NFIA: variants seen among roughly 807,000 people sequenced by gnomAD.
NFIA encodes the protein nuclear factor I A.
Under a neutral mutation model 62.8 loss-of-function variants are expected in NFIA, and 8 were observed. That is an observed-to-expected ratio of 0.13 (90% CI 0.07 to 0.23). The LOEUF (loss-of-function observed/expected upper bound fraction) is 0.23. NFIA is among the 10% of genes least tolerant of loss of function. The pLI, the probability that NFIA is intolerant of heterozygous loss-of-function variation, is 1.00. For missense variants in NFIA, 410 were observed against 642.1 expected, an observed-to-expected ratio of 0.64 and a Z score of 3.91; for synonymous variants, 235 against 238.1, an observed-to-expected ratio of 0.99 and a Z score of 0.12.
At chr1:61,433,540 G>GTATATATACTCACACA (rs1553121154) in intron 10 of NFIA, among the ~76,000 whole-genome samples, 2 of 151,006 alleles carry the variant, frequency 1.3e-5, no homozygotes, top group African/African-American at 4.9e-5. Context: ...ATATGTGTGT[G>GTATATATACTCACACA]TATATATACT....
intron 2 of NFIA, among the ~76,000 whole-genome samples, chr1:61,179,980 G>A (rs12086218): frequency 0.15 from 23,160 of 152,034 alleles, 2,777 homozygotes; most frequent in African/African-American, 0.31. Context: ...GGCTGATATC[G>A]AGTCAATCAG....
At chr1:61,257,877 C>A (rs200837959) in intron 2 of NFIA, among the ~76,000 whole-genome samples, 1 of 90,160 alleles carries the variant, frequency 1.1e-5, no homozygotes, top group Admixed American at 1.1e-4. Context: ...TTTTTTTTTT[C>A]TTTTTTTCTT....
intron 4 of NFIA, among the ~76,000 whole-genome samples, chr1:61,333,015 G>A (rs1486744564): frequency 6.7e-6 from 1 of 150,290 alleles, no homozygotes; most frequent in African/African-American, 2.4e-5. Context: ...TCAATTGATT[G>A]TAGTTTTGTT....
At chr1:61,124,264 A>G (rs558324632) in intron 2 of NFIA, among the ~76,000 whole-genome samples, 1 of 152,132 alleles carries the variant, frequency 6.6e-6, no homozygotes, top group East Asian at 1.9e-4. Context: ...AAATGTGAGG[A>G]TGTTCTGTGG....
chr1:61,388,206 T>A (rs1375020783), intron 7 of NFIA, among the ~76,000 whole-genome samples: 9 of 152,196 alleles, frequency 5.9e-5, no homozygotes, highest in Non-Finnish European at 1.3e-4. Flanking sequence ...GGGGAAGATA[T>A]TAAATTTCAG....
rs113626419 is a variant in NFIA at position 61,358,145 on chromosome 1, T to G, written c.819-1002T>G. ...TTTGCATAGAGAAAGCACATAAAAGTCATTGGGCCACTCTTTTTTTATGTC... is the reference window on the plus strand; with the variant it reads ...TTTGCATAGAGAAAGCACATAAAAGGCATTGGGCCACTCTTTTTTTATGTC... On this transcript the variant is annotated intron_variant, in intron 5 of 10. Coordinates refer to ENST00000403491, the MANE Select transcript of NFIA (RefSeq NM_001134673.4). Among the ~76,000 whole-genome samples, 50 of 152,202 alleles carry G rather than the reference T, an allele frequency of 3.3e-4. 1 individual carries two copies. Among genetic ancestry groups the G allele is most frequent in the African/African-American group, 1.1e-3 (47 of 41,538 alleles).
intron 2 of NFIA, among the ~76,000 whole-genome samples, chr1:61,136,185 T>C (rs533054906): frequency 8.1e-4 from 124 of 152,354 alleles, no homozygotes; most frequent in Middle Eastern, 3.4e-3. Context: ...ATTCACCGTG[T>C]CACAGCCTGG....
At chr1:61,232,714 A>G (rs894385416) in intron 2 of NFIA, among the ~76,000 whole-genome samples, 7 of 152,182 alleles carry the variant, frequency 4.6e-5, no homozygotes, top group African/African-American at 1.7e-4. Flanking sequence ...TTTAAAAAAC[A>G]TCTTCCTTTC....
intron 4 of NFIA, among the ~76,000 whole-genome samples, chr1:61,334,533 A>ATGTGTGTGTGTGTG (rs1176399144): frequency 0.037 from 332 of 8,864 alleles, 23 homozygotes; most frequent in East Asian, 0.06. Flanking sequence ...GTGTGTGTAT[A>ATGTGTGTGTGTGTG]TATGTGTGTG....
intron 2 of NFIA, among the ~76,000 whole-genome samples, chr1:61,097,762 T>C (rs1489164891): frequency 6.6e-6 from 1 of 152,246 alleles, no homozygotes; most frequent in East Asian, 1.9e-4. Context: ...CTGTGTAGTT[T>C]AATCTTAAAG....
intron 4 of NFIA, among the ~76,000 whole-genome samples, chr1:61,344,746 T>C (rs141553396): frequency 6.3e-4 from 96 of 152,336 alleles, no homozygotes; most frequent in African/African-American, 2.2e-3. Context: ...CTGGACAAAC[T>C]AGTCATTTCG....
At chr1:61,121,336 A>G (rs1262173279) in intron 2 of NFIA, among the ~76,000 whole-genome samples, 1 of 152,136 alleles carries the variant, frequency 6.6e-6, no homozygotes, top group Non-Finnish European at 1.5e-5. Flanking sequence ...GAAATTAGCA[A>G]TCTTTTGCTC....
At chr1:61,268,197 T>C (rs1326633879) in intron 2 of NFIA, among the ~76,000 whole-genome samples, 1 of 152,188 alleles carries the variant, frequency 6.6e-6, no homozygotes, top group East Asian at 1.9e-4. Context: ...AAATTCCTGA[T>C]TTACCCAACC....
intron 2 of NFIA, chr1:61,125,340 C>T (rs911463615): frequency 1.3e-5 from 2 of 152,192 alleles, no homozygotes; most frequent in Non-Finnish European, 2.9e-5. Flanking sequence ...TTGCTTTTGT[C>T]CCGATTAGTA....
chr1:61,151,791 C>T (rs1377945536), intron 2 of NFIA, among the ~76,000 whole-genome samples: 3 of 152,116 alleles, frequency 2.0e-5, no homozygotes, highest in Non-Finnish European at 2.9e-5. Context: ...TCCACTGGCT[C>T]ACAGAGTGAT....
chr1:61,194,914 T>C (rs1429526692), intron 2 of NFIA, among the ~76,000 whole-genome samples: 1 of 152,222 alleles, frequency 6.6e-6, no homozygotes, highest in African/African-American at 2.4e-5. Flanking sequence ...AGAGCTCTTT[T>C]CATTTTCAAA....
At chr1:61,191,857 G>A (rs547887960) in intron 2 of NFIA, among the ~76,000 whole-genome samples, 24 of 152,288 alleles carry the variant, frequency 1.6e-4, no homozygotes, top group African/African-American at 4.8e-4. Context: ...TTCTGAGTAC[G>A]TGAGTTTGGG....
chr1:61,192,621 T>G (rs2100577338), intron 2 of NFIA, among the ~76,000 whole-genome samples: 1 of 151,354 alleles, frequency 6.6e-6, no homozygotes, highest in South Asian at 2.1e-4. Context: ...GAGAATCCCC[T>G]GAACTGGGGA....
chr1:61,121,990 A>G (rs1646894985), intron 2 of NFIA, among the ~76,000 whole-genome samples: 2 of 152,336 alleles, frequency 1.3e-5, no homozygotes, highest in South Asian at 4.1e-4. Context: ...ACATAAAAAG[A>G]CACTCAAAGC....
Sources: allele counts gnomAD v4.1 joint callset (sites outside exome capture counted in the v4.1 genomes callset), GRCh38; gene constraint gnomAD v4.1.1; transcripts MANE v1.5; gene names NCBI Gene and HGNC (gene_info 2026-07-23, HGNC 2026-07-21).